Variants in KIAA1549 observed in about 807,000 individuals in gnomAD.
KIAA1549 encodes KIAA1549.
In KIAA1549, 70 loss-of-function variants were observed where a neutral mutation model predicts 156.4. The ratio of observed to expected loss-of-function variants is 0.45; its 90% CI spans 0.37 to 0.55. The LOEUF is 0.55. KIAA1549 is among the 20% of genes least tolerant of loss of function. The probability of loss-of-function intolerance (pLI) is 0.00; values close to 1 mark genes in which losing one functional copy is unlikely to be tolerated. For synonymous variants in KIAA1549, 1,103 were observed against 1,066.4 expected (o/e 1.03, Z -0.67); for missense variants, 2,428 against 2,540.9 (o/e 0.96, Z 0.96).
chr7:138,965,317 G>A (rs577464151), intron 1 of KIAA1549, among the ~76,000 whole-genome samples: 1 of 152,192 alleles, frequency 6.6e-6, no homozygotes, highest in South Asian at 2.1e-4. Flanking sequence ...TAAAGATACT[G>A]TACTCTCAAA....
At chr7:138,872,787 C>T (rs1019931106) in intron 12 of KIAA1549, among the ~76,000 whole-genome samples, 3 of 152,148 alleles carry the variant, frequency 2.0e-5, no homozygotes, top group Non-Finnish European at 4.4e-5. Flanking sequence ...GCCTGTAGTC[C>T]TAGTCACTCA....
chr7:138,966,830 T>A (rs1814038442), intron 1 of KIAA1549, among the ~76,000 whole-genome samples: 1 of 152,124 alleles, frequency 6.6e-6, no homozygotes, highest in African/African-American at 2.4e-5. Context: ...AGGCCTGGAA[T>A]AGATCCTTCT....
chr7:138,890,620 G>A (rs962331865), intron 10 of KIAA1549, among the ~76,000 whole-genome samples: 1 of 152,212 alleles, frequency 6.6e-6, no homozygotes, highest in Non-Finnish European at 1.5e-5. Flanking sequence ...GCCAGCTGTG[G>A]GTGAACTGAG....
intron 1 of KIAA1549, among the ~76,000 whole-genome samples, chr7:138,934,406 T>TA (rs763597989): frequency 0.045 from 4,899 of 109,258 alleles, 87 homozygotes; most frequent in Admixed American, 0.064. Context: ...TATTTGCTAC[T>TA]AAAAAAAAAA....
intron 10 of KIAA1549, among the ~76,000 whole-genome samples, chr7:138,890,998 T>C (rs1461542957): frequency 6.6e-6 from 1 of 152,174 alleles, no homozygotes; most frequent in South Asian, 2.1e-4. Flanking sequence ...ATCTCCACCG[T>C]GAAGCTTCAG....
chr7:138,937,421 A>G (rs1380778391), intron 1 of KIAA1549, among the ~76,000 whole-genome samples: 3 of 152,208 alleles, frequency 2.0e-5, no homozygotes, highest in African/African-American at 7.2e-5. Context: ...CATGAGTCCA[A>G]CAAACACCTA....
At chr7:138,921,174 G>T (rs914225902) in intron 1 of KIAA1549, among the ~76,000 whole-genome samples, 7 of 152,168 alleles carry the variant, frequency 4.6e-5, no homozygotes, top group Non-Finnish European at 1.0e-4. Context: ...TAATCTCAGG[G>T]AAAGAGTGAA....
intron 1 of KIAA1549, among the ~76,000 whole-genome samples, chr7:138,963,788 G>C (rs1338727655): frequency 6.6e-6 from 1 of 152,176 alleles, no homozygotes; most frequent in Non-Finnish European, 1.5e-5. Flanking sequence ...TTAATTAACG[G>C]AGGAGATGTA....
chr7:138,888,720 A>G (rs987143687), intron 10 of KIAA1549, among the ~76,000 whole-genome samples: 1 of 152,238 alleles, frequency 6.6e-6, no homozygotes, highest in Non-Finnish European at 1.5e-5. Flanking sequence ...CACATTAAAA[A>G]ATCCATTCTG....
Position 138,909,203 on chromosome 7 carries a change from G to A in KIAA1549, c.3146-82C>T, listed in dbSNP as rs556285865. 33 of 1,409,644 alleles carry A rather than the reference G, an allele frequency of 2.3e-5. No individual in the cohort carries two copies. The Middle Eastern group carries it at 1.3e-3, about 56-fold the overall frequency. The allele number at this position is 1,409,644 out of a possible 1,614,324, so 87.3% of individuals were successfully genotyped here. A position where few individuals can be genotyped will look rare whatever the true frequency, so the allele number is the denominator to read the frequency against. On this transcript the variant is annotated intron_variant, in intron 4 of 19. Coordinates refer to ENST00000422774, the MANE Select transcript of KIAA1549 (RefSeq NM_001164665.2). ...TAAGGAATCAAGAGAGAGAAACATCGTATCTAAATCAACCAATTCATCCAT... is the reference window on the plus strand; with the variant it reads ...TAAGGAATCAAGAGAGAGAAACATCATATCTAAATCAACCAATTCATCCAT...
At chr7:138,860,721 A>C (rs1810545949) in intron 16 of KIAA1549, among the ~76,000 whole-genome samples, 1 of 152,230 alleles carries the variant, frequency 6.6e-6, no homozygotes, top group African/African-American at 2.4e-5. Context: ...GGGTCTCTCC[A>C]GTACCAGGTG....
chr7:138,905,476 T>G (rs961474650), intron 6 of KIAA1549, among the ~76,000 whole-genome samples: 6 of 152,196 alleles, frequency 3.9e-5, no homozygotes, highest in African/African-American at 1.4e-4. Flanking sequence ...TGCCCCGCCG[T>G]CCGGCATCCT....
intron 1 of KIAA1549, among the ~76,000 whole-genome samples, chr7:138,964,806 G>A (rs1813966033): frequency 6.6e-6 from 1 of 152,224 alleles, no homozygotes; most frequent in Admixed American, 6.5e-5. Flanking sequence ...AGCCTTTCTA[G>A]AGAGCGATTT....
intron 1 of KIAA1549, among the ~76,000 whole-genome samples, chr7:138,941,053 C>G (rs1186830689): frequency 6.6e-6 from 1 of 151,318 alleles, no homozygotes; most frequent in Non-Finnish European, 1.5e-5. Context: ...GCTTTTGTTG[C>G]CATTGCTTTT....
At chr7:138,866,881 C>T (rs1810758346) in intron 15 of KIAA1549, among the ~76,000 whole-genome samples, 2 of 152,190 alleles carry the variant, frequency 1.3e-5, no homozygotes, top group Admixed American at 1.3e-4. Flanking sequence ...AAGCTCACTG[C>T]AGCCTCGACC....
intron 1 of KIAA1549, among the ~76,000 whole-genome samples, chr7:138,929,647 T>C (rs980716278): frequency 2.0e-5 from 3 of 152,240 alleles, no homozygotes; most frequent in Non-Finnish European, 4.4e-5. Context: ...TCGCTACCTA[T>C]GGCAGCTATA....
At chr7:138,893,933 T>C (rs1165468112) in intron 10 of KIAA1549, among the ~76,000 whole-genome samples, 1 of 152,114 alleles carries the variant, frequency 6.6e-6, no homozygotes, top group Admixed American at 6.5e-5. Context: ...TGGCCAGGTG[T>C]GGTGGCACAC....
intron 8 of KIAA1549, among the ~76,000 whole-genome samples, chr7:138,901,507 G>C (rs1298793570): frequency 6.6e-6 from 1 of 151,920 alleles, no homozygotes; most frequent in African/African-American, 2.4e-5. Context: ...TGTGTTTTTA[G>C]TAGAGATGAG....
In KIAA1549 at chr7:138,917,869, G is replaced by C; in HGVS notation, c.1757C>G (p.Pro586Arg). The change falls in exon 2 of 20, where the codon CCG becomes CGG. Residue 586 changes from proline to arginine, a missense_variant. Coordinates refer to ENST00000422774, the MANE Select transcript of KIAA1549 (RefSeq NM_001164665.2). ...CAGACTATAAGGCGTAAAAACACTC[G>C]GGTCTCTGACGGCAAGCGACGGTGT... is the stretch of plus-strand genomic sequence containing the variant. ...KNTPSLAVRD[P>R]SVFTPYSLVP... 1 of 1,604,806 alleles carries C rather than the reference G, an allele frequency of 6.2e-7. No individual in the cohort carries two copies. Among genetic ancestry groups the C allele is most frequent in the Non-Finnish European group, 8.5e-7 (1 of 1,175,702 alleles).
Sources: allele counts gnomAD v4.1 joint callset (sites outside exome capture counted in the v4.1 genomes callset), GRCh38; gene constraint gnomAD v4.1.1; transcripts MANE v1.5; gene names NCBI Gene and HGNC (gene_info 2026-07-23, HGNC 2026-07-21).